MAP3K5: variants seen among roughly 807,000 people sequenced by gnomAD.
The protein encoded by MAP3K5 is ASK-1.
MAP3K5 carries 56 observed loss-of-function variants against 158.7 expected under a neutral mutation model. The ratio of observed to expected loss-of-function variants is 0.35; its 90% CI spans 0.28 to 0.44. The LOEUF is 0.44. MAP3K5 is among the 20% of genes least tolerant of loss of function. The pLI is 1.00. For synonymous variants in MAP3K5, 579 were observed against 601.7 expected (o/e 0.96, Z 0.55); for missense variants, 1,294 against 1,674.8 (o/e 0.77, Z 3.97).
At position 136,656,296 on chromosome 6, in the gene MAP3K5, A is replaced by G. The variant is rs747677072; in HGVS notation, c.1680+11T>C. The G allele has an allele frequency of 4.4e-6, 7 of 1,603,216 alleles. No homozygotes were observed. In the African/African-American group the frequency reaches 5.3e-5, roughly 12 times the overall value. On this transcript the variant is annotated intron_variant, in intron 10 of 29. Coordinates refer to ENST00000359015, the MANE Select transcript of MAP3K5 (RefSeq NM_005923.4). ...AAGAAATGTACTTAGATTTAAAGGAAGAGTACTCACTGGAAACCTAACCAC... is the reference window on the plus strand; with the variant it reads ...AAGAAATGTACTTAGATTTAAAGGAGGAGTACTCACTGGAAACCTAACCAC...
intron 7 of MAP3K5, among the ~76,000 whole-genome samples, chr6:136,689,570 A>G (rs1035429951): frequency 5.3e-5 from 8 of 152,194 alleles, no homozygotes; most frequent in Non-Finnish European, 1.2e-4. Context: ...GAAAGGTGAA[A>G]GGCCACGAGG....
Position 136,637,306 on chromosome 6 carries a change from T to C in MAP3K5, c.2016+19A>G, listed in dbSNP as rs1233520106. The C allele has an allele frequency of 6.3e-7, 1 of 1,574,980 alleles. No individual in the cohort carries two copies. The highest frequency in any genetic ancestry group is 8.7e-7 in the Non-Finnish European group (1 of 1,144,322). The stretch of plus-strand genomic sequence containing the variant: ...TTTTAAAATGAGCTCTAAATGTAAA[T>C]GGACACCTAAGTCATTACCTCCAGC... On this transcript the variant is annotated intron_variant, in intron 14 of 29. Transcript: ENST00000359015.
rs1436715104 is a variant in MAP3K5 at position 136,583,537 on chromosome 6, G to A, written c.3411+18C>T. 1 of 1,592,576 alleles carries A rather than the reference G, an allele frequency of 6.3e-7. No individual in the cohort carries two copies. The highest frequency in any genetic ancestry group is 1.3e-5 in the African/African-American group (1 of 74,144). ...AATTTTAGTGTGTGGGAAAACACTG[G>A]CAAAATATCATACTTACAGCATCTT... On this transcript the variant is annotated intron_variant, in intron 24 of 29. Transcript: ENST00000359015.
intron 2 of MAP3K5, among the ~76,000 whole-genome samples, chr6:136,717,871 A>C (rs2114767668): frequency 6.6e-6 from 1 of 152,332 alleles, no homozygotes; most frequent in East Asian, 1.9e-4. Flanking sequence ...TAAATAAGAA[A>C]ACAGCAAAAG....
chr6:136,713,723 C>T (rs966711937), intron 2 of MAP3K5, among the ~76,000 whole-genome samples: 5 of 152,126 alleles, frequency 3.3e-5, no homozygotes, highest in Admixed American at 2.6e-4. Flanking sequence ...ACAAGATTGT[C>T]TCTACCAAAT....
intron 1 of MAP3K5, among the ~76,000 whole-genome samples, chr6:136,722,543 C>T (rs1209346283): frequency 1.3e-5 from 2 of 151,936 alleles, no homozygotes; most frequent in African/African-American, 2.4e-5. Context: ...AATAAATGCA[C>T]ATTAAACCAA....
intron 1 of MAP3K5, among the ~76,000 whole-genome samples, chr6:136,788,778 G>A (rs1264740443): frequency 2.0e-5 from 3 of 152,210 alleles, no homozygotes; most frequent in Non-Finnish European, 2.9e-5. Flanking sequence ...GCAGAGAAAA[G>A]GGAACACTTA....
intron 2 of MAP3K5, among the ~76,000 whole-genome samples, chr6:136,707,746 AAAG>A (rs1409748196): frequency 1.3e-5 from 2 of 152,238 alleles, no homozygotes; most frequent in Non-Finnish European, 2.9e-5. Flanking sequence ...TGATATGTTC[AAAG>A]AAGTATCAGC....
chr6:136,713,982 A>C (rs1781418882), intron 2 of MAP3K5, among the ~76,000 whole-genome samples: 1 of 152,218 alleles, frequency 6.6e-6, no homozygotes, highest in African/African-American at 2.4e-5. Context: ...CAAGTTGATG[A>C]TTTTTAAAAT....
intron 9 of MAP3K5, among the ~76,000 whole-genome samples, chr6:136,656,874 G>A (rs544826844): frequency 2.6e-5 from 4 of 152,182 alleles, no homozygotes; most frequent in Admixed American, 6.5e-5. Flanking sequence ...CACCTGCCTC[G>A]GCCTCCCAAC....
chr6:136,597,352 CG>C (rs1228560309), intron 21 of MAP3K5, among the ~76,000 whole-genome samples: 2 of 152,154 alleles, frequency 1.3e-5, no homozygotes, highest in African/African-American at 4.8e-5. Context: ...TTTGGGAAAA[CG>C]GGGATTTTCT....
Position 136,697,390 on chromosome 6 carries a change from G to A in MAP3K5, c.807-3C>T, listed in dbSNP as rs752318253. 5.7e-6 allele frequency: 9 copies of A among 1,584,674 alleles called. No homozygotes were observed. In the East Asian group the frequency reaches 1.4e-4, roughly 24 times the overall value. On this transcript the variant is annotated splice_region_variant and splice_polypyrimidine_tract_variant and intron_variant, in intron 4 of 29. Transcript: ENST00000359015. ...GTATAGATTCCCGGAAGTACTGGCT[G>A]GTAAAAACACACACATTTCAAAGAG...
chr6:136,565,653 C>G (rs548031268), intron 26 of MAP3K5, among the ~76,000 whole-genome samples: 1 of 152,286 alleles, frequency 6.6e-6, no homozygotes, highest in South Asian at 2.1e-4. Context: ...AACATTTCCT[C>G]TAGATTCATT....
At position 136,647,522 on chromosome 6, in the gene MAP3K5, A is replaced by G. The variant is rs73556289; in HGVS notation, c.1788+3462T>C. On this transcript the variant is annotated intron_variant, in intron 11 of 29. Transcript: ENST00000359015. ...TCTCAGATTTTCAGAAACGTCAGTG[A>G]CATCCTGTTTCCTACCGACACATGT... Among the ~76,000 whole-genome samples, 1,102 of 152,274 alleles carry G rather than the reference A, an allele frequency of 7.2e-3. 18 individuals are homozygous for G. Among genetic ancestry groups the G allele is most frequent in the African/African-American group, 0.023 (965 of 41,550 alleles).
intron 1 of MAP3K5, among the ~76,000 whole-genome samples, chr6:136,746,723 T>C (rs1292276354): frequency 6.6e-6 from 1 of 152,214 alleles, no homozygotes; most frequent in Non-Finnish European, 1.5e-5. Context: ...TAAGGATTAG[T>C]GAGAAAAATT....
At chr6:136,690,946 A>T (rs1780358414) in intron 7 of MAP3K5, among the ~76,000 whole-genome samples, 1 of 152,150 alleles carries the variant, frequency 6.6e-6, no homozygotes, top group South Asian at 2.1e-4. Context: ...CCCATATTTT[A>T]AAGACATTAT....
At chr6:136,754,822 A>G (rs1783399764) in intron 1 of MAP3K5, among the ~76,000 whole-genome samples, 1 of 152,190 alleles carries the variant, frequency 6.6e-6, no homozygotes, top group South Asian at 2.1e-4. Context: ...GAATGATGTC[A>G]GTGCAGATGG....
chr6:136,659,143 C>T, intron 9 of MAP3K5, 76 bp downstream of exon 9: 6 of 1,226,936 alleles, frequency 4.9e-6, no homozygotes, highest in Non-Finnish European at 6.9e-6. Context: ...ATCTAATTGT[C>T]AGTTCAATAA....
At chr6:136,710,763 G>A (rs967313777) in intron 2 of MAP3K5, among the ~76,000 whole-genome samples, 10 of 152,154 alleles carry the variant, frequency 6.6e-5, no homozygotes, top group Admixed American at 6.6e-4. Context: ...AAAGGAGCAG[G>A]CTTGGAGTTC....
Sources: gnomAD v4.1 joint callset for allele counts (sites outside exome capture counted in the v4.1 genomes callset) on GRCh38, gnomAD v4.1.1 for gene constraint, MANE v1.5 for transcripts, NCBI Gene and HGNC (gene_info 2026-07-23, HGNC 2026-07-21) for gene names.